The following DNMBP variants were observed in gnomAD, a reference collection of about 807,000 sequenced individuals.
DNMBP encodes the protein dynamin binding protein.
A neutral mutation model predicts 150.0 loss-of-function variants in DNMBP; 87 were observed. The observed-to-expected ratio is 0.58, with a 90% CI of 0.49 to 0.69. The LOEUF is 0.69. DNMBP is among the 30% of genes least tolerant of loss of function. DNMBP has a pLI of 0.00. For missense variants in DNMBP, 1,774 were observed against 1,949.0 expected, an observed-to-expected ratio of 0.91 and a Z score of 1.69; for synonymous variants, 711 against 750.4, an observed-to-expected ratio of 0.95 and a Z score of 0.86.
intron 4 of DNMBP, among the ~76,000 whole-genome samples, chr10:99,951,565 C>T (rs1053021007): frequency 1.8e-4 from 28 of 152,222 alleles, no homozygotes; most frequent in Non-Finnish European, 1.2e-4. Flanking sequence ...CCTCTTGCAT[C>T]GGTGTGACCT....
chr10:99,957,249 A>G, intron 3 of DNMBP, 44 bp from the exon 4 acceptor site: 2 of 1,542,968 alleles, frequency 1.3e-6, no homozygotes, highest in Non-Finnish European at 1.8e-6. Context: ...GTCATCACCC[A>G]GCAGAACATT....
chr10:99,979,099 T>C (rs1004522907), intron 1 of DNMBP, among the ~76,000 whole-genome samples: 1 of 152,210 alleles, frequency 6.6e-6, no homozygotes, highest in African/African-American at 2.4e-5. Context: ...TCAATGAATA[T>C]TTATCAAGCC....
intron 4 of DNMBP, among the ~76,000 whole-genome samples, chr10:99,936,706 C>G (rs2040235904): frequency 6.6e-6 from 1 of 151,900 alleles, no homozygotes; most frequent in Non-Finnish European, 1.5e-5. Flanking sequence ...ACTGAATAAG[C>G]CTTTATTTAT....
intron 4 of DNMBP, among the ~76,000 whole-genome samples, chr10:99,919,125 C>T (rs2039996178): frequency 6.6e-6 from 1 of 152,084 alleles, no homozygotes; most frequent in Non-Finnish European, 1.5e-5. Flanking sequence ...AATGAGGAAA[C>T]AGGCAAAGAG....
At chr10:99,923,490 C>T (rs552823725) in intron 4 of DNMBP, among the ~76,000 whole-genome samples, 1 of 152,204 alleles carries the variant, frequency 6.6e-6, no homozygotes, top group East Asian at 1.9e-4. Context: ...CTGTGGGCAT[C>T]TCTGAGGCTC....
intron 1 of DNMBP, among the ~76,000 whole-genome samples, chr10:99,998,149 C>A (rs372930982): frequency 6.6e-6 from 1 of 150,596 alleles, no homozygotes; most frequent in Admixed American, 6.6e-5. Context: ...GCAGGAGAAT[C>A]GCTTGAACCC....
intron 4 of DNMBP, among the ~76,000 whole-genome samples, chr10:99,944,062 T>C (rs916018547): frequency 1.3e-5 from 2 of 152,212 alleles, no homozygotes; most frequent in African/African-American, 4.8e-5. Flanking sequence ...GCAAGGTTCC[T>C]GACTCACTCT....
chr10:99,952,618 C>T (rs1266491440), intron 4 of DNMBP, among the ~76,000 whole-genome samples: 1 of 152,222 alleles, frequency 6.6e-6, no homozygotes, highest in Non-Finnish European at 1.5e-5. Context: ...AGGACCCCTC[C>T]TACCGCACCA....
At chr10:99,880,399 G>A in intron 15 of DNMBP, 38 bp from the exon 16 acceptor site, 1 of 1,506,972 alleles carries the variant, frequency 6.6e-7, no homozygotes, top group Non-Finnish European at 8.8e-7. Flanking sequence ...AGAACTCTTA[G>A]CAGAAGGCTG....
intron 4 of DNMBP, among the ~76,000 whole-genome samples, chr10:99,940,564 G>A (rs2040283863): frequency 6.6e-6 from 1 of 152,114 alleles, no homozygotes; most frequent in Non-Finnish European, 1.5e-5. Flanking sequence ...TAGTGGATCA[G>A]TCCCGTAAAC....
rs922953381 is a variant in DNMBP, at chr10:99,898,911, G to A, written c.2703-151C>T. On this transcript the variant is annotated intron_variant, in intron 7 of 16. Transcript: ENST00000324109. ...TAGTCTACTAAAAAATGTTAGCCCC[G>A]GCCAGGCATGGTGGCTCACGCCTGT... is the stretch of plus-strand genomic sequence containing the variant. 72 of 784,350 alleles carry A rather than the reference G, an allele frequency of 9.2e-5. No homozygotes were observed. The South Asian group carries it at 1.1e-3, about 11-fold the overall frequency. 48.6% of individuals were successfully genotyped at this position (784,350 alleles called of 1,614,324 possible).
At chr10:99,932,574 C>G (rs953299297) in intron 4 of DNMBP, among the ~76,000 whole-genome samples, 26 of 151,076 alleles carry the variant, frequency 1.7e-4, no homozygotes, top group Admixed American at 5.3e-4. Flanking sequence ...CATTTAGAGA[C>G]AGCCCAAAAG....
At chr10:99,991,011 G>A in intron 1 of DNMBP, among the ~76,000 whole-genome samples, 1 of 151,824 alleles carries the variant, frequency 6.6e-6, no homozygotes, top group East Asian at 1.9e-4. Flanking sequence ...TGTACAATGA[G>A]TTTTTAGCAT....
Position 99,916,876 on chromosome 10 carries a change from C to T in DNMBP, c.2261-7730G>A, listed in dbSNP as rs151207987. Among the ~76,000 whole-genome samples the T allele has an allele frequency of 3.6e-4, 55 of 152,194 alleles. No individual in the cohort carries two copies. The East Asian group carries it at 8.9e-3, about 25-fold the overall frequency. ...TCTGGGTAGAGAGCAGTGGAGTGTG[C>T]CTGTAGTGCCAGCTACTCAGGAGGC... is the stretch of plus-strand genomic sequence containing the variant. On this transcript the variant is annotated intron_variant, in intron 4 of 16. Coordinates refer to ENST00000324109, the MANE Select transcript of DNMBP (RefSeq NM_015221.4).
chr10:99,955,891 T>C lies in DNMBP; in HGVS notation c.1583A>G (p.Gln528Arg). Residue 528 changes from glutamine (Q) to arginine (R), a missense_variant, in exon 4 of 17, where the codon CAA becomes CGA. Coordinates refer to ENST00000324109, the MANE Select transcript of DNMBP (RefSeq NM_015221.4). Reference sequence around the variant, plus strand: ...TGCTTCCATAACAAGCCCTTGGGCTTGCGGACCAGGCTTCATCTCCAATCT... The same window carrying C: ...TGCTTCCATAACAAGCCCTTGGGCTCGCGGACCAGGCTTCATCTCCAATCT... ...SERLEMKPGP[Q>R]AQGLVMEAAT... 1 of 1,614,172 alleles carries C rather than the reference T, an allele frequency of 6.2e-7. No individual in the cohort carries two copies. Among genetic ancestry groups the C allele is most frequent in the East Asian group, 2.2e-5 (1 of 44,868 alleles).
At chr10:99,928,989 A>T (rs913598088) in intron 4 of DNMBP, among the ~76,000 whole-genome samples, 30 of 152,046 alleles carry the variant, frequency 2.0e-4, no homozygotes, top group East Asian at 1.2e-3. Flanking sequence ...ACAAAAAAAT[A>T]AAAAAGTAGC....
chr10:99,894,612 T>C (rs1297226340), intron 11 of DNMBP, among the ~76,000 whole-genome samples: 1 of 152,230 alleles, frequency 6.6e-6, no homozygotes, highest in Non-Finnish European at 1.5e-5. Context: ...TACAGCTTCC[T>C]AGCTTTTGCA....
At chr10:99,894,095 G>A (rs556699324) in intron 11 of DNMBP, among the ~76,000 whole-genome samples, 85 of 152,264 alleles carry the variant, frequency 5.6e-4, no homozygotes, top group Middle Eastern at 3.4e-3. Context: ...ACCAGCCTGG[G>A]CAACATAGTA....
intron 6 of DNMBP, among the ~76,000 whole-genome samples, chr10:99,904,958 A>G (rs1351068869): frequency 6.6e-6 from 1 of 152,200 alleles, no homozygotes; most frequent in Non-Finnish European, 1.5e-5. Flanking sequence ...GTTAACTCCA[A>G]CCACCTGAGA....
Sources: gnomAD v4.1 joint callset for allele counts (sites outside exome capture counted in the v4.1 genomes callset) on GRCh38, gnomAD v4.1.1 for gene constraint, MANE v1.5 for transcripts, NCBI Gene and HGNC (gene_info 2026-07-23, HGNC 2026-07-21) for gene names.